Variants in DGKB observed in about 807,000 individuals in gnomAD.
The protein encoded by DGKB is diacylglycerol kinase beta.
Under a neutral mutation model 114.3 loss-of-function variants are expected in DGKB, and 67 were observed. That is an observed-to-expected ratio of 0.59 (90% CI 0.48 to 0.72). The LOEUF (loss-of-function observed/expected upper bound fraction) is 0.72. DGKB is among the 30% of genes least tolerant of loss of function. The pLI is 0.00. For synonymous variants in DGKB, 398 were observed against 323.1 expected, an observed-to-expected ratio of 1.23 and a Z score of -2.49; for missense variants, 907 against 975.2, an observed-to-expected ratio of 0.93 and a Z score of 0.93.
chr7:14,954,634 A>C (rs1786398022), intron 1 of DGKB, among the ~76,000 whole-genome samples: 2 of 152,182 alleles, frequency 1.3e-5, no homozygotes, highest in Middle Eastern at 3.4e-3. Flanking sequence ...ATATGGTGGC[A>C]AGATATACAA....
intron 20 of DGKB, among the ~76,000 whole-genome samples, chr7:14,571,539 G>C (rs1302661112): frequency 6.6e-6 from 1 of 152,154 alleles, no homozygotes; most frequent in Non-Finnish European, 1.5e-5. Flanking sequence ...TATGGGCTGT[G>C]ATAAACTTCT....
chr7:14,193,064 TTCACTC>T (rs71033978), intron 23 of DGKB, among the ~76,000 whole-genome samples: 5,822 of 152,042 alleles, frequency 0.038, 120 homozygotes, highest in East Asian at 0.071. Flanking sequence ...CAGATGAAGC[TTCACTC>T]TCACCTGCTG....
At chr7:14,849,903 C>T (rs568404398) in intron 1 of DGKB, among the ~76,000 whole-genome samples, 1 of 152,130 alleles carries the variant, frequency 6.6e-6, no homozygotes, top group South Asian at 2.1e-4. Flanking sequence ...ACATATGGGG[C>T]AAGAGTGTAG....
At chr7:14,610,090 A>G (rs1805249662) in intron 16 of DGKB, among the ~76,000 whole-genome samples, 2 of 152,106 alleles carry the variant, frequency 1.3e-5, no homozygotes, top group South Asian at 4.1e-4. Context: ...TCCCTGCTGT[A>G]TTCACAAGAG....
chr7:14,972,351 C>T (rs1249215262), intron 1 of DGKB, among the ~76,000 whole-genome samples: 1 of 152,024 alleles, frequency 6.6e-6, no homozygotes, highest in East Asian at 1.9e-4. Flanking sequence ...AATTTTGTGA[C>T]TAACAGAGAT....
At chr7:14,684,701 A>C (rs1317131318) in intron 10 of DGKB, among the ~76,000 whole-genome samples, 1 of 152,186 alleles carries the variant, frequency 6.6e-6, no homozygotes, top group African/African-American at 2.4e-5. Context: ...TCCAATGTCT[A>C]TTAACCATAT....
intron 13 of DGKB, among the ~76,000 whole-genome samples, chr7:14,637,182 G>C (rs916341166): frequency 5.9e-5 from 9 of 151,868 alleles, no homozygotes; most frequent in Non-Finnish European, 1.0e-4. Context: ...CTCAGCATTA[G>C]TCAGAAACAA....
At chr7:14,626,744 C>T (rs1314562612) in intron 14 of DGKB, among the ~76,000 whole-genome samples, 1 of 151,802 alleles carries the variant, frequency 6.6e-6, no homozygotes, top group Non-Finnish European at 1.5e-5. Context: ...TATTTGCTGA[C>T]TAGAAAAAAC....
chr7:14,786,597 C>G (rs888177933), intron 2 of DGKB, among the ~76,000 whole-genome samples: 2 of 152,220 alleles, frequency 1.3e-5, no homozygotes, highest in African/African-American at 4.8e-5. Flanking sequence ...GGCACAGCTG[C>G]GGACACTGTG....
intron 5 of DGKB, chr7:14,718,916 G>A (rs1564004585): frequency 9.8e-6 from 4 of 409,316 alleles, no homozygotes; most frequent in Admixed American, 4.3e-5. Flanking sequence ...TATCAGCCAC[G>A]GATGGTATTT....
intron 20 of DGKB, among the ~76,000 whole-genome samples, chr7:14,511,068 C>A (rs185092380): frequency 6.6e-6 from 1 of 152,266 alleles, no homozygotes; most frequent in East Asian, 1.9e-4. Flanking sequence ...GTCCTAGGAT[C>A]TTCAGAATGG....
At chr7:14,476,344 T>C (rs964019296) in intron 21 of DGKB, among the ~76,000 whole-genome samples, 1 of 152,152 alleles carries the variant, frequency 6.6e-6, no homozygotes, top group Non-Finnish European at 1.5e-5. Flanking sequence ...TATTTTTACA[T>C]GTGTTTCATG....
At chr7:14,547,597 G>A (rs1031523555) in intron 20 of DGKB, among the ~76,000 whole-genome samples, 54 of 152,218 alleles carry the variant, frequency 3.5e-4, no homozygotes, top group African/African-American at 1.2e-3. Context: ...CCCTGTTGCA[G>A]ATTAATTACA....
At chr7:14,545,667 G>C (rs1048972954) in intron 20 of DGKB, among the ~76,000 whole-genome samples, 3 of 152,172 alleles carry the variant, frequency 2.0e-5, no homozygotes, top group Non-Finnish European at 4.4e-5. Context: ...TGCTCAGCAG[G>C]ATTTAAGAAT....
chr7:14,379,328 A>G (rs1819006633), intron 21 of DGKB, among the ~76,000 whole-genome samples: 1 of 151,920 alleles, frequency 6.6e-6, no homozygotes, highest in Non-Finnish European at 1.5e-5. Context: ...CCAACTTTCC[A>G]GTTCACGCAC....
chr7:14,466,741 C>A (rs2128879217), intron 21 of DGKB, among the ~76,000 whole-genome samples: 1 of 152,212 alleles, frequency 6.6e-6, no homozygotes, highest in South Asian at 2.1e-4. Context: ...TCGCTTGAAC[C>A]TGGGAGGCGG....
At chr7:14,170,014 A>G (rs1004389106) in intron 25 of DGKB, among the ~76,000 whole-genome samples, 11 of 151,464 alleles carry the variant, frequency 7.3e-5, no homozygotes, top group Admixed American at 3.9e-4. Context: ...CATGCCTGTA[A>G]TCCCAGCTAC....
At chr7:14,963,901 C>A (rs1787005989) in intron 1 of DGKB, among the ~76,000 whole-genome samples, 2 of 152,074 alleles carry the variant, frequency 1.3e-5, no homozygotes, top group Admixed American at 6.6e-5. Flanking sequence ...TGCTCTGTAG[C>A]TGCACATAGC....
At position 14,972,752 on chromosome 7, in the gene DGKB, TG is replaced by T. The variant is rs530847412; in HGVS notation, c.-188+1943del. ...TTCTTAGGAAATTGGATTCTAAGTT[TG>T]TTTGCCTCTTTCAAAATTTTTAACA... On this transcript the variant is annotated intron_variant, in intron 1 of 4. Transcript: ENST00000437998. 2.5e-4 allele frequency among the ~76,000 whole-genome samples: 38 copies of T among 152,176 alleles called. 1 individual carries two copies. The East Asian group carries it at 7.0e-3, about 28-fold the overall frequency.
Sources: gnomAD v4.1 joint callset for allele counts (sites outside exome capture counted in the v4.1 genomes callset) on GRCh38, gnomAD v4.1.1 for gene constraint, MANE v1.5 for transcripts, NCBI Gene and HGNC (gene_info 2026-07-23, HGNC 2026-07-21) for gene names.